The following CTBP2 variants were observed in gnomAD, a reference collection of about 807,000 sequenced individuals.
CTBP2 encodes C-terminal-binding protein 2.
Under a neutral mutation model 80.3 loss-of-function variants are expected in CTBP2, and 30 were observed. The observed-to-expected ratio is 0.37, with a 90% CI of 0.28 to 0.51. The LOEUF (loss-of-function observed/expected upper bound fraction) is 0.51. CTBP2 is among the 20% of genes least tolerant of loss of function. The pLI is 0.93. For synonymous variants in CTBP2, 594 were observed against 587.4 expected (o/e 1.01, Z -0.16); for missense variants, 1,212 against 1,375.3 (o/e 0.88, Z 1.88).
rs1236967383 is a variant in CTBP2, at chr10:124,986,277, G to GCACACACACA, written c.*3240_*3241insTGTGTGTGTG. The GCACACACACA allele has an allele frequency of 4.7e-5, 1 of 21,408 alleles. No homozygotes were observed. Among genetic ancestry groups the GCACACACACA allele is most frequent in the Non-Finnish European group, 1.3e-4 (1 of 7,640 alleles). The allele number at this position is 21,408 out of a possible 1,614,324, so 1.3% of individuals were successfully genotyped here. A position where few individuals can be genotyped will look rare whatever the true frequency, so the allele number is the denominator to read the frequency against. ...CCAGGAATTTGGAAAGACGACACAC[G>GCACACACACA]CACGCGCGCGCGCGCACACACACAC... On this transcript the variant is annotated 3_prime_UTR_variant, in exon 9 of 9. Transcript: ENST00000309035.
intron 1 of CTBP2, among the ~76,000 whole-genome samples, chr10:125,125,605 G>T (rs909901432): frequency 3.9e-5 from 6 of 152,210 alleles, no homozygotes; most frequent in African/African-American, 1.4e-4. Flanking sequence ...AGTTAAGCAT[G>T]GGTCATATGC....
chr10:125,129,090 A>G (rs141291400), intron 1 of CTBP2, among the ~76,000 whole-genome samples: 343 of 152,354 alleles, frequency 2.3e-3, no homozygotes, highest in African/African-American at 7.9e-3. Flanking sequence ...TACATATTAA[A>G]TTGTATGTAT....
chr10:125,049,887 T>C (rs1428664389), intron 2 of CTBP2, among the ~76,000 whole-genome samples: 1 of 152,154 alleles, frequency 6.6e-6, no homozygotes, highest in South Asian at 2.1e-4. Flanking sequence ...CTCCAACTCT[T>C]CTGCCCAGCC....
chr10:125,079,878 G>A (rs7914324), intron 2 of CTBP2, among the ~76,000 whole-genome samples: 2,305 of 152,264 alleles, frequency 0.015, 45 homozygotes, highest in East Asian at 0.065. Context: ...CCACTTCCAC[G>A]ATTAAGCACT....
rs565107473 is a variant in CTBP2, at chr10:125,034,596, G to A, written c.58+4401C>T. 3.3e-5 allele frequency among the ~76,000 whole-genome samples: 5 copies of A among 151,900 alleles called. No individual in the cohort carries two copies. In the South Asian group the frequency reaches 1.0e-3, roughly 32 times the overall value. ...TCCCATTTTTAAAATCCACATTTTG[G>A]GGCTATTTAAAGTTATTTATTAGAA... On this transcript the variant is annotated intron_variant, in intron 3 of 10. Transcript: ENST00000337195.
chr10:125,052,882 G>A (rs183591233), intron 2 of CTBP2, among the ~76,000 whole-genome samples: 7 of 152,294 alleles, frequency 4.6e-5, no homozygotes, highest in Admixed American at 4.6e-4. Context: ...GGACAGCCAC[G>A]TGCATCTCCA....
At chr10:125,109,896 G>A (rs1242705945) in intron 2 of CTBP2, among the ~76,000 whole-genome samples, 1 of 152,226 alleles carries the variant, frequency 6.6e-6, no homozygotes, top group African/African-American at 2.4e-5. Flanking sequence ...CTAGGTCTGG[G>A]TCAGCTACCT....
At chr10:125,015,955 A>G (rs1193391726) in intron 1 of CTBP2, among the ~76,000 whole-genome samples, 1 of 152,196 alleles carries the variant, frequency 6.6e-6, no homozygotes, top group East Asian at 1.9e-4. Flanking sequence ...GCCACAGGCA[A>G]CCCAGAGATG....
intron 3 of CTBP2, among the ~76,000 whole-genome samples, chr10:125,038,568 C>A (rs1959123398): frequency 6.6e-6 from 1 of 152,162 alleles, no homozygotes; most frequent in African/African-American, 2.4e-5. Context: ...GACATGAACA[C>A]ACCACGAGGG....
chr10:125,151,143 A>G (rs1859778773), intron 1 of CTBP2, among the ~76,000 whole-genome samples: 2 of 152,142 alleles, frequency 1.3e-5, no homozygotes, highest in Non-Finnish European at 2.9e-5. Flanking sequence ...GCGCACTTGA[A>G]TGGCTGCATA....
chr10:125,100,767 C>G (rs894631158), intron 2 of CTBP2: 2 of 152,144 alleles, frequency 1.3e-5, no homozygotes, highest in Admixed American at 6.5e-5. Context: ...GATTGCAAAT[C>G]AAAATCTGCA....
chr10:125,056,648 T>A lies in CTBP2; in HGVS notation c.-101-17493A>T, dbSNP rs1163984755. Among the ~76,000 whole-genome samples the A allele has an allele frequency of 2.0e-5, 3 of 152,330 alleles. No homozygotes were observed. In the East Asian group the frequency reaches 5.8e-4, roughly 29 times the overall value. Reference sequence around the variant, plus strand: ...TTGTGCCTCAGCTTCATGGAAAGGTTAAATGACCAACGCCATCCTCCTGCC... The same window carrying A: ...TTGTGCCTCAGCTTCATGGAAAGGTAAAATGACCAACGCCATCCTCCTGCC... On this transcript the variant is annotated intron_variant, in intron 2 of 10. Transcript: ENST00000337195.
At chr10:125,157,644 TA>T (rs1861164462) in intron 1 of CTBP2, among the ~76,000 whole-genome samples, 2 of 145,136 alleles carry the variant, frequency 1.4e-5, no homozygotes, top group African/African-American at 2.6e-5. Flanking sequence ...GGGGGCAGGG[TA>T]GGGGGAGGGG....
At chr10:125,033,881 C>T (rs1425653759) in intron 3 of CTBP2, among the ~76,000 whole-genome samples, 3 of 152,132 alleles carry the variant, frequency 2.0e-5, no homozygotes, top group Non-Finnish European at 4.4e-5. Context: ...AGACAGGGCA[C>T]CACCAACCAG....
rs1364191940 is a variant in CTBP2, at chr10:124,987,065, T to C, written c.*2453A>G. 6.6e-6 allele frequency: 1 copy of C among 152,652 alleles called. No homozygotes were observed. The highest frequency in any genetic ancestry group is 6.5e-5 in the Admixed American group (1 of 15,280). 9.5% of individuals were successfully genotyped at this position (152,652 alleles called of 1,614,324 possible). A position where few individuals can be genotyped will look rare whatever the true frequency, so the allele number is the denominator to read the frequency against. On this transcript the variant is annotated 3_prime_UTR_variant, in exon 9 of 9. Coordinates refer to ENST00000309035, the MANE Select transcript of CTBP2 (RefSeq NM_022802.3). ...AAGAATTAAAGATGGTTCCATTTCC[T>C]AGGCTACAGACAGGAATGGGGCTCT...
chr10:125,101,855 G>A (rs1473189201), intron 2 of CTBP2, among the ~76,000 whole-genome samples: 1 of 152,178 alleles, frequency 6.6e-6, no homozygotes, highest in Admixed American at 6.5e-5. Context: ...ATCTTTGTGT[G>A]TGTACATATA....
At chr10:125,085,145 C>T (rs891370425) in intron 2 of CTBP2, among the ~76,000 whole-genome samples, 4 of 152,194 alleles carry the variant, frequency 2.6e-5, no homozygotes, top group Non-Finnish European at 5.9e-5. Context: ...GACACCAATA[C>T]ATCAGCAGGA....
At chr10:125,015,099 G>C (rs1355416857) in intron 1 of CTBP2, among the ~76,000 whole-genome samples, 1 of 152,226 alleles carries the variant, frequency 6.6e-6, no homozygotes, top group Non-Finnish European at 1.5e-5. Flanking sequence ...AGGTCTGAGT[G>C]ACCGGAGCCC....
chr10:125,105,693 G>T (rs1851347162), intron 2 of CTBP2, among the ~76,000 whole-genome samples: 1 of 152,056 alleles, frequency 6.6e-6, no homozygotes, highest in Admixed American at 6.5e-5. Flanking sequence ...AAAAAAACAA[G>T]TTATTGGTCT....
Sources: gnomAD v4.1 joint callset for allele counts (sites outside exome capture counted in the v4.1 genomes callset) on GRCh38, gnomAD v4.1.1 for gene constraint, MANE v1.5 for transcripts, NCBI Gene and HGNC (gene_info 2026-07-23, HGNC 2026-07-21) for gene names.